NTN1: variants seen among roughly 807,000 people sequenced by gnomAD.
NTN1 encodes netrin 1, also known as netrin-1.
A neutral mutation model predicts 54.2 loss-of-function variants in NTN1; 11 were observed. The observed-to-expected ratio is 0.20, with a 90% CI of 0.13 to 0.34. The LOEUF (loss-of-function observed/expected upper bound fraction) is 0.34. NTN1 is among the 10% of genes least tolerant of loss of function. The probability of loss-of-function intolerance (pLI) is 1.00; values close to 1 mark genes in which losing one functional copy is unlikely to be tolerated. For missense variants in NTN1, 740 were observed against 893.1 expected (o/e 0.83, Z 2.18); for synonymous variants, 371 against 382.0 (o/e 0.97, Z 0.33).
Position 9,179,966 on chromosome 17 carries a change from G to C in NTN1, c.1357+10G>C, listed in dbSNP as rs776473834. ...ATCGCCCCCTGCATAAGTATGTGTGGGGCACCCTGCTTTTCAAGTCTCTGG... is the reference window on the plus strand; with the variant it reads ...ATCGCCCCCTGCATAAGTATGTGTGCGGCACCCTGCTTTTCAAGTCTCTGG... On this transcript the variant is annotated intron_variant, in intron 4 of 6. Coordinates refer to ENST00000173229, the MANE Select transcript of NTN1 (RefSeq NM_004822.3). 14 of 1,608,308 alleles carry C rather than the reference G, an allele frequency of 8.7e-6. No individual in the cohort carries two copies. In the Admixed American group the frequency reaches 2.2e-4, roughly 25 times the overall value.
chr17:9,227,308 AACACACCACAC>A (rs541336912), intron 6 of NTN1, among the ~76,000 whole-genome samples: 75 of 145,758 alleles, frequency 5.1e-4, no homozygotes, highest in African/African-American at 1.6e-3. Context: ...CACAATCACA[AACACACCACAC>A]ACATCAAACA....
At chr17:9,126,519 AAGAGAG>A (rs139048465) in intron 2 of NTN1, among the ~76,000 whole-genome samples, 11 of 151,152 alleles carry the variant, frequency 7.3e-5, no homozygotes, top group African/African-American at 2.2e-4. Flanking sequence ...CTCAAGAAAA[AAGAGAG>A]AGAGAGAGAG....
chr17:9,128,635 G>A (rs1459719549), intron 2 of NTN1, among the ~76,000 whole-genome samples: 1 of 152,038 alleles, frequency 6.6e-6, no homozygotes, highest in African/African-American at 2.4e-5. Context: ...CGTTTTCCTT[G>A]GATTCAAACT....
intron 5 of NTN1, among the ~76,000 whole-genome samples, chr17:9,202,606 G>T (rs1904832033): frequency 6.6e-6 from 1 of 152,096 alleles, no homozygotes; most frequent in Admixed American, 6.5e-5. Context: ...TGGGTTGAGT[G>T]GTTCCCCATA....
intron 6 of NTN1, among the ~76,000 whole-genome samples, chr17:9,226,614 C>T (rs1484726727): frequency 6.6e-6 from 1 of 152,060 alleles, no homozygotes; most frequent in Non-Finnish European, 1.5e-5. Flanking sequence ...CTAGGGGATC[C>T]GGCTGTTCTT....
intron 6 of NTN1, among the ~76,000 whole-genome samples, chr17:9,229,589 C>A (rs1295974612): frequency 6.6e-6 from 1 of 152,136 alleles, no homozygotes; most frequent in East Asian, 1.9e-4. Context: ...CCATCGGGGC[C>A]ACTGACTCTG....
chr17:9,043,930 G>C (rs2091932054), intron 2 of NTN1, among the ~76,000 whole-genome samples: 1 of 151,748 alleles, frequency 6.6e-6, no homozygotes, highest in African/African-American at 2.4e-5. Flanking sequence ...TCTTACCTAG[G>C]CTTCTCTGTG....
intron 2 of NTN1, among the ~76,000 whole-genome samples, chr17:9,087,283 A>G (rs150561245): frequency 6.6e-6 from 1 of 152,120 alleles, no homozygotes; most frequent in South Asian, 2.1e-4. Context: ...ATGCAGGCAC[A>G]GGGCCACAGA....
At chr17:9,186,107 G>A (rs1195582707) in intron 5 of NTN1, among the ~76,000 whole-genome samples, 1 of 152,172 alleles carries the variant, frequency 6.6e-6, no homozygotes, top group Non-Finnish European at 1.5e-5. Flanking sequence ...TGTGGGCGGA[G>A]GTGCTGGTAA....
At chr17:9,180,007 T>G (rs1567730772) in intron 4 of NTN1, 51 bp downstream of exon 4, 2 of 1,568,716 alleles carry the variant, frequency 1.3e-6, no homozygotes, top group Admixed American at 1.8e-5. Flanking sequence ...TGGGGGACAG[T>G]GAGCTTTTGA....
intron 5 of NTN1, among the ~76,000 whole-genome samples, chr17:9,217,751 G>A (rs1905244861): frequency 6.7e-6 from 1 of 149,916 alleles, no homozygotes; most frequent in African/African-American, 2.5e-5. Flanking sequence ...ATTCTAGCAA[G>A]CTTGGTCTTT....
intron 6 of NTN1, among the ~76,000 whole-genome samples, chr17:9,237,626 C>G (rs1483957334): frequency 2.0e-5 from 3 of 152,158 alleles, no homozygotes; most frequent in Non-Finnish European, 4.4e-5. Flanking sequence ...GCTGGGGACA[C>G]CACAGCTGTA....
At chr17:9,025,035 G>GT (rs1338003859) in intron 2 of NTN1, among the ~76,000 whole-genome samples, 3 of 152,102 alleles carry the variant, frequency 2.0e-5, no homozygotes, top group African/African-American at 7.2e-5. Flanking sequence ...GATTCCCAGG[G>GT]TTTTGCTATC....
intron 2 of NTN1, among the ~76,000 whole-genome samples, chr17:9,101,842 A>G (rs891765851): frequency 2.0e-5 from 3 of 152,128 alleles, no homozygotes; most frequent in Non-Finnish European, 4.4e-5. Flanking sequence ...AAAATAAGAA[A>G]TGTAGCCAGG....
At chr17:9,090,531 G>A (rs370844109) in intron 2 of NTN1, among the ~76,000 whole-genome samples, 67 of 152,214 alleles carry the variant, frequency 4.4e-4, no homozygotes, top group African/African-American at 1.5e-3. Flanking sequence ...GACTCACTAA[G>A]CAAGAAAGTC....
Position 9,239,571 on chromosome 17 carries a change from C to T in NTN1, c.1487-69C>T, listed in dbSNP as rs1906112885. On this transcript the variant is annotated intron_variant, in intron 6 of 6. Transcript: ENST00000173229. The surrounding 1 kb of genome is among the most constrained non-coding windows in gnomAD (Gnocchi z 5.2). ...GGCTGGGTCTCCTTTCCCTTCTCCC[C>T]AGGCTCAGGCAGGGCGGACCTAGCC... is the stretch of plus-strand genomic sequence containing the variant. The T allele has an allele frequency of 6.7e-7, 1 of 1,500,162 alleles. No homozygotes were observed. Among genetic ancestry groups the T allele is most frequent in the Non-Finnish European group, 9.1e-7 (1 of 1,093,734 alleles). The allele number at this position is 1,500,162 out of a possible 1,614,324, so 92.9% of individuals were successfully genotyped here.
intron 6 of NTN1, among the ~76,000 whole-genome samples, chr17:9,225,732 C>T (rs1041094758): frequency 4.6e-5 from 7 of 152,192 alleles, no homozygotes; most frequent in South Asian, 2.1e-4. Context: ...CAGGGCGGGC[C>T]GGGCAGGGGC....
At chr17:9,026,530 A>ACACAT (rs2091871634) in intron 2 of NTN1, among the ~76,000 whole-genome samples, 1 of 152,138 alleles carries the variant, frequency 6.6e-6, no homozygotes, top group South Asian at 2.1e-4. Flanking sequence ...ATGCTTTTAT[A>ACACAT]CACATGTGCA....
chr17:9,034,460 T>C (rs1352597624), intron 2 of NTN1, among the ~76,000 whole-genome samples: 1 of 148,704 alleles, frequency 6.7e-6, no homozygotes, highest in South Asian at 2.1e-4. Context: ...TCTTGCTCTG[T>C]CACCCAGGCT....
Sources: allele counts gnomAD v4.1 joint callset (sites outside exome capture counted in the v4.1 genomes callset), GRCh38; gene constraint gnomAD v4.1.1; non-coding constraint Gnocchi (gnomAD v3.1); transcripts MANE v1.5; gene names NCBI Gene and HGNC (gene_info 2026-07-23, HGNC 2026-07-21).